Variants in PIBF1 observed in about 807,000 individuals in gnomAD.
The protein encoded by PIBF1 is progesterone-induced-blocking factor 1.
Under a neutral mutation model 112.5 loss-of-function variants are expected in PIBF1, and 90 were observed. The ratio of observed to expected loss-of-function variants is 0.80; its 90% CI spans 0.67 to 0.95. The LOEUF is 0.95. Ranked by LOEUF, PIBF1 falls within the 40% of genes least tolerant of loss-of-function variation. The probability of loss-of-function intolerance (pLI) is 0.00; values close to 1 mark genes in which losing one functional copy is unlikely to be tolerated. For synonymous variants in PIBF1, 301 were observed against 288.6 expected, an observed-to-expected ratio of 1.04 and a Z score of -0.44; for missense variants, 915 against 852.3, an observed-to-expected ratio of 1.07 and a Z score of -0.92.
intron 16 of PIBF1, among the ~76,000 whole-genome samples, chr13:72,975,061 T>G (rs1365098042): frequency 6.6e-6 from 1 of 151,454 alleles, no homozygotes; most frequent in Admixed American, 6.6e-5. Context: ...AAACTTTTTT[T>G]TTTTTTTTTT....
intron 10 of PIBF1, among the ~76,000 whole-genome samples, chr13:72,876,036 G>A (rs2039382185): frequency 2.0e-5 from 3 of 148,108 alleles, no homozygotes; most frequent in South Asian, 4.3e-4. Flanking sequence ...ATTGTCTTAT[G>A]TGTTATCCTT....
chr13:72,912,666 A>G (rs1192491167), intron 12 of PIBF1, among the ~76,000 whole-genome samples: 1 of 152,232 alleles, frequency 6.6e-6, no homozygotes, highest in Non-Finnish European at 1.5e-5. Flanking sequence ...GAATGTTCAT[A>G]GGAAATGTAT....
intron 13 of PIBF1, among the ~76,000 whole-genome samples, chr13:72,927,960 C>CATATATATATATATAT (rs1566457766): frequency 8.9e-6 from 1 of 112,264 alleles, no homozygotes; most frequent in African/African-American, 3.5e-5. Flanking sequence ...TATATATATA[C>CATATATATATATATAT]ACATATATAT....
At chr13:72,985,130 A>G (rs2043243724) in intron 16 of PIBF1, among the ~76,000 whole-genome samples, 1 of 152,150 alleles carries the variant, frequency 6.6e-6, no homozygotes, top group East Asian at 1.9e-4. Context: ...TTAGAATAGT[A>G]GCAGCTTATA....
Position 72,801,282 on chromosome 13 carries a change from A to T in PIBF1, c.672+3256A>T, listed in dbSNP as rs559687903. 1.4e-4 allele frequency among the ~76,000 whole-genome samples: 22 copies of T among 151,736 alleles called. 1 individual carries two copies. Among genetic ancestry groups the T allele is most frequent in the Admixed American group, 9.8e-4 (15 of 15,254 alleles). ...TTGAACTGTGTAGGTTTATTTACAC[A>T]TAGATTTTTTTTTTCAGTAGATATA... On this transcript the variant is annotated intron_variant, in intron 5 of 17. Transcript: ENST00000326291.
chr13:72,880,589 G>GGTA (rs2039585037), intron 10 of PIBF1, among the ~76,000 whole-genome samples: 1 of 152,114 alleles, frequency 6.6e-6, no homozygotes, highest in South Asian at 2.1e-4. Flanking sequence ...AGTAAAGAGT[G>GGTA]GTATGGAGTT....
intron 15 of PIBF1, among the ~76,000 whole-genome samples, chr13:72,966,598 C>A (rs1367304179): frequency 6.6e-6 from 1 of 152,142 alleles, no homozygotes; most frequent in African/African-American, 2.4e-5. Flanking sequence ...TCCTATGTTA[C>A]ATATTTCTGT....
At chr13:72,797,534 A>G (rs2035254124) in intron 4 of PIBF1, among the ~76,000 whole-genome samples, 1 of 152,196 alleles carries the variant, frequency 6.6e-6, no homozygotes, top group Non-Finnish European at 1.5e-5. Flanking sequence ...TGAGCCATGC[A>G]TTTATATGGG....
At chr13:72,956,603 T>C (rs1277126264) in intron 14 of PIBF1, among the ~76,000 whole-genome samples, 4 of 152,180 alleles carry the variant, frequency 2.6e-5, no homozygotes, top group Admixed American at 2.6e-4. Context: ...TCTGTCCTGT[T>C]TTGGCATTAC....
At chr13:72,913,693 G>A (rs545847222) in intron 12 of PIBF1, among the ~76,000 whole-genome samples, 7 of 151,814 alleles carry the variant, frequency 4.6e-5, no homozygotes, top group East Asian at 1.9e-4. Flanking sequence ...AGCCCTGAAC[G>A]TCAAGGCTGC....
chr13:72,833,053 C>T (rs1473333748), intron 8 of PIBF1, among the ~76,000 whole-genome samples: 6 of 152,120 alleles, frequency 3.9e-5, no homozygotes, highest in East Asian at 1.9e-4. Flanking sequence ...TCCACTTGAT[C>T]GATTTGGCTT....
intron 15 of PIBF1, among the ~76,000 whole-genome samples, chr13:72,969,423 A>G (rs1038731557): frequency 6.6e-6 from 1 of 152,212 alleles, no homozygotes; most frequent in Non-Finnish European, 1.5e-5. Flanking sequence ...ATATTTTAGT[A>G]CATTCTGAAC....
chr13:72,965,176 C>A, intron 14 of PIBF1, 98 bp from the exon 15 acceptor site: 1 of 1,088,994 alleles, frequency 9.2e-7, no homozygotes, highest in Non-Finnish European at 1.3e-6. Flanking sequence ...TAATTCATGT[C>A]AAAGGAATTT....
At chr13:72,854,274 T>C (rs2038310846) in intron 10 of PIBF1, 119 bp downstream of exon 10, 1 of 633,068 alleles carries the variant, frequency 1.6e-6, no homozygotes, top group Non-Finnish European at 2.7e-6. Flanking sequence ...GAGAGACTAA[T>C]TTTCATTTCA....
chr13:72,799,085 A>G (rs1288696450), intron 5 of PIBF1, among the ~76,000 whole-genome samples: 1 of 152,198 alleles, frequency 6.6e-6, no homozygotes, highest in African/African-American at 2.4e-5. Context: ...GTTAGGTGAT[A>G]TTTTGACACT....
intron 5 of PIBF1, among the ~76,000 whole-genome samples, chr13:72,805,889 G>A (rs1012593632): frequency 3.3e-5 from 5 of 152,196 alleles, no homozygotes; most frequent in Non-Finnish European, 5.9e-5. Context: ...GAATACTTAG[G>A]CAAGTTAAAT....
chr13:72,965,834 T>A (rs1383970000), intron 15 of PIBF1, among the ~76,000 whole-genome samples: 1 of 152,196 alleles, frequency 6.6e-6, no homozygotes, highest in Non-Finnish European at 1.5e-5. Context: ...TTCCAAGGAA[T>A]TTTTAGGCTT....
chr13:72,881,770 T>A (rs2039647936), intron 10 of PIBF1, among the ~76,000 whole-genome samples: 1 of 147,902 alleles, frequency 6.8e-6, no homozygotes, highest in South Asian at 2.2e-4. Context: ...AAAACACTGA[T>A]GCAAGAAATT....
chr13:72,844,799 A>G (rs28378057), intron 9 of PIBF1, among the ~76,000 whole-genome samples: 3 of 136,098 alleles, frequency 2.2e-5, no homozygotes, highest in Non-Finnish European at 4.7e-5. Context: ...ACACACACAC[A>G]CGGATGAAGT....
Sources: gnomAD v4.1 joint callset for allele counts (sites outside exome capture counted in the v4.1 genomes callset) on GRCh38, gnomAD v4.1.1 for gene constraint, MANE v1.5 for transcripts, NCBI Gene and HGNC (gene_info 2026-07-23, HGNC 2026-07-21) for gene names.